PIK3CD: variants seen among roughly 807,000 people sequenced by gnomAD.
The protein encoded by PIK3CD is phosphatidylinositol 4,5-bisphosphate 3-kinase catalytic subunit delta isoform.
In PIK3CD, 20 loss-of-function variants were observed where a neutral mutation model predicts 122.9. That is an observed-to-expected ratio of 0.16 (90% confidence interval 0.11 to 0.24). The LOEUF is 0.24. PIK3CD is among the 10% of genes least tolerant of loss of function. The pLI, the probability that PIK3CD is intolerant of heterozygous loss-of-function variation, is 1.00. For synonymous variants in PIK3CD, 596 were observed against 593.4 expected (o/e 1.00, Z -0.06); for missense variants, 787 against 1,406.3 (o/e 0.56, Z 7.04).
At chr1:9,640,685 C>A in the PIK3CD span, among the ~76,000 whole-genome samples, 1 of 152,186 alleles carries the variant, frequency 6.6e-6, no homozygotes, top group Middle Eastern at 3.4e-3. Flanking sequence ...TTTGACTGAG[C>A]AAGGAAATGT....
intron 1 of PIK3CD, among the ~76,000 whole-genome samples, chr1:9,684,319 C>T (rs1162467147): frequency 1.3e-5 from 2 of 152,050 alleles, no homozygotes. Context: ...GGTGGATCAC[C>T]TGGGGTCAGG....
upstream of PIK3CD, among the ~76,000 whole-genome samples, chr1:9,651,310 T>A (rs1644667116): frequency 6.6e-6 from 1 of 152,218 alleles, no homozygotes; most frequent in African/African-American, 2.4e-5. Flanking sequence ...GTGTGTGTCC[T>A]GAGCCCCAAC....
Position 9,726,946 on chromosome 1 carries a change from T to G in PIK3CD, c.3035T>G (p.Leu1012Arg). The change falls in exon 24 of 24, where the codon CTG becomes CGG. Residue 1012 changes from leucine to arginine, a missense_variant. Around this residue, in one of 6 missense-constraint regions of PIK3CD, gnomAD observed 60 missense variants for 129.5 expected, o/e 0.46. Coordinates refer to ENST00000377346, the MANE Select transcript of PIK3CD (RefSeq NM_005026.5). ...CTGGGGAAAACAGAGGAGGAGGCACTGAAGCACTTCCGAGTGAAGTTTAAC... is the reference window on the plus strand; with the variant it reads ...CTGGGGAAAACAGAGGAGGAGGCACGGAAGCACTTCCGAGTGAAGTTTAAC... ...LALGKTEEEA[L>R]KHFRVKFNEA... 6.2e-7 allele frequency: 1 copy of G among 1,613,954 alleles called. No individual in the cohort carries two copies. Among genetic ancestry groups the G allele is most frequent in the South Asian group, 1.1e-5 (1 of 91,076 alleles).
Position 9,723,838 on chromosome 1 carries a change from G to A in PIK3CD, c.2595-131G>A. The stretch of plus-strand genomic sequence containing the variant: ...GCGTCTGCAAGCGATGTCCAGCATT[G>A]TGTCCTCCATGTTCTGTTGGTCAAA... On this transcript the variant is annotated intron_variant, in intron 20 of 23. Transcript: ENST00000377346. This position sits in a 1 kb window ranked among gnomAD's most constrained non-coding sequence, Gnocchi z 4.9. The A allele has an allele frequency of 1.2e-6, 1 of 822,800 alleles. No homozygotes were observed. The highest frequency in any genetic ancestry group is 1.4e-5 in the South Asian group (1 of 69,632). The allele number at this position is 822,800 out of a possible 1,614,324, so 51.0% of individuals were successfully genotyped here.
chr1:9,713,605 T>C (rs1396742404), intron 3 of PIK3CD, among the ~76,000 whole-genome samples: 1 of 152,102 alleles, frequency 6.6e-6, no homozygotes, highest in African/African-American at 2.4e-5. Context: ...TATTTTATTT[T>C]GCTTGAGAAT....
rs1649134939 is a variant in PIK3CD, at chr1:9,724,213, T to G, written c.2719-63T>G. 1.2e-6 allele frequency: 2 copies of G among 1,612,714 alleles called. No homozygotes were observed. Among genetic ancestry groups the G allele is most frequent in the South Asian group, 2.2e-5 (2 of 91,056 alleles). The stretch of plus-strand genomic sequence containing the variant: ...CCCCCAGCCCTGCTGGCTTCCTGTC[T>G]CCCCTGGATTCTCTCCTGTCTGACA... On this transcript the variant is annotated intron_variant, in intron 21 of 23. Transcript: ENST00000377346. This position sits in a 1 kb window ranked among gnomAD's most constrained non-coding sequence, Gnocchi z 7.3.
In PIK3CD at chr1:9,720,037, G is replaced by A. The variant is rs778951432; in HGVS notation, c.1339+20G>A. 12 of 1,613,372 alleles carry A rather than the reference G, an allele frequency of 7.4e-6. No homozygotes were observed. Among genetic ancestry groups the A allele is most frequent in the African/African-American group, 6.7e-5 (5 of 74,952 alleles). On this transcript the variant is annotated intron_variant, in intron 10 of 23. Coordinates refer to ENST00000377346, the MANE Select transcript of PIK3CD (RefSeq NM_005026.5). This position sits in a 1 kb window ranked among gnomAD's most constrained non-coding sequence, Gnocchi z 9.0. ...TCCCAGGTCGGCCCAGGCCCAGGAG[G>A]GAGAGGCGTTGGGAGTGTGAGGGTC...
At chr1:9,663,551 CT>C (rs1301643200) in intron 1 of PIK3CD, among the ~76,000 whole-genome samples, 4 of 151,462 alleles carry the variant, frequency 2.6e-5, no homozygotes, top group Non-Finnish European at 5.9e-5. Flanking sequence ...AGAGGTCTGA[CT>C]TTATTTACTT....
intron 23 of PIK3CD, among the ~76,000 whole-genome samples, chr1:9,725,231 C>A (rs1649331548): frequency 6.6e-6 from 1 of 152,332 alleles, no homozygotes; most frequent in Middle Eastern, 3.4e-3. Flanking sequence ...TAGGGGGCCG[C>A]GTGAGCGCTG....
In PIK3CD at chr1:9,720,735, C is replaced by A. The variant is rs1648471357; in HGVS notation, c.1522-7C>A. On this transcript the variant is annotated splice_region_variant and splice_polypyrimidine_tract_variant and intron_variant, in intron 12 of 23. Coordinates refer to ENST00000377346, the MANE Select transcript of PIK3CD (RefSeq NM_005026.5). The surrounding 1 kb of genome is among the most constrained non-coding windows in gnomAD (Gnocchi z 9.0). The stretch of plus-strand genomic sequence containing the variant: ...CCAGAGCCCTCACTCCTGCCCACAC[C>A]CCTCAGCAGCTGCAGCTGCGGGAAA... 6.2e-7 allele frequency: 1 copy of A among 1,611,064 alleles called. No homozygotes were observed. The highest frequency in any genetic ancestry group is 1.7e-5 in the Admixed American group (1 of 59,884).
the PIK3CD span, among the ~76,000 whole-genome samples, chr1:9,644,852 T>C: frequency 6.6e-6 from 1 of 152,086 alleles, no homozygotes; most frequent in African/African-American, 2.4e-5. Flanking sequence ...AAATTAATAC[T>C]GATTGGGAAA....
intron 16 of PIK3CD, 24 bp downstream of exon 16, chr1:9,721,884 C>T (rs757992219): frequency 4.3e-6 from 7 of 1,611,470 alleles, no homozygotes; most frequent in East Asian, 2.2e-5. Flanking sequence ...CCCTGGGGGG[C>T]GGGCAGGGGG....
At chr1:9,645,881 C>T in the PIK3CD span, among the ~76,000 whole-genome samples, 5 of 152,196 alleles carry the variant, frequency 3.3e-5, no homozygotes, top group East Asian at 5.8e-4. Context: ...GCTGGGATTA[C>T]AGGCATGACA....
the PIK3CD span, among the ~76,000 whole-genome samples, chr1:9,646,227 T>C: frequency 6.6e-6 from 1 of 152,104 alleles, no homozygotes; most frequent in Admixed American, 6.6e-5. Context: ...CATCCGTAAA[T>C]TGGGGATAAG....
chr1:9,639,164 G>A, the PIK3CD span, among the ~76,000 whole-genome samples: 1 of 152,064 alleles, frequency 6.6e-6, no homozygotes, highest in African/African-American at 2.4e-5. Context: ...TCCCTCTCCT[G>A]CATGTACACT....
rs1045151009 is a variant in PIK3CD at position 9,720,254 on chromosome 1, C to A, written c.1470+12C>A. The A allele has an allele frequency of 1.3e-6, 2 of 1,599,128 alleles. No homozygotes were observed. On this transcript the variant is annotated intron_variant, in intron 11 of 23. Transcript: ENST00000377346. The surrounding 1 kb of genome is among the most constrained non-coding windows in gnomAD (Gnocchi z 9.0). ...CCGCCCTGGAGAAGGTCAGTGGGGG[C>A]CCCGCCGCGTGAGGCTGAGGGGCTG...
In PIK3CD at chr1:9,722,894, C is replaced by T. The variant is rs530983082; in HGVS notation, c.2427-231C>T. ...AAGCAGTGGCGTCTTCTCCCAAGGC[C>T]TCTGTCTGGTTCTCTTCCAAGCAAA... On this transcript the variant is annotated intron_variant, in intron 19 of 23. Coordinates refer to ENST00000377346, the MANE Select transcript of PIK3CD (RefSeq NM_005026.5). The surrounding 1 kb of genome is among the most constrained non-coding windows in gnomAD (Gnocchi z 7.6). Among the ~76,000 whole-genome samples, 2 of 152,192 alleles carry T rather than the reference C, an allele frequency of 1.3e-5. No individual in the cohort carries two copies. Among genetic ancestry groups the T allele is most frequent in the African/African-American group, 2.4e-5 (1 of 41,446 alleles).
At chr1:9,683,136 A>C (rs1645829554) in intron 1 of PIK3CD, among the ~76,000 whole-genome samples, 1 of 63,786 alleles carries the variant, frequency 1.6e-5, no homozygotes, top group Admixed American at 1.5e-4. Flanking sequence ...AAAAAAAAAA[A>C]AAAACCAAAA....
intron 2 of PIK3CD, among the ~76,000 whole-genome samples, chr1:9,695,235 A>G (rs1384930315): frequency 3.9e-5 from 6 of 152,158 alleles, no homozygotes; most frequent in Non-Finnish European, 8.8e-5. Context: ...ATAGGAAAGA[A>G]AATATAGAAA....
Sources: gnomAD v4.1 joint callset for allele counts (sites outside exome capture counted in the v4.1 genomes callset) on GRCh38, gnomAD v4.1.1 for gene constraint, gnomAD v4.1.1 regional missense constraint, Gnocchi (gnomAD v3.1) non-coding constraint, MANE v1.5 for transcripts, NCBI Gene and HGNC (gene_info 2026-07-23, HGNC 2026-07-21) for gene names.